Variants in SYT9 observed in about 807,000 individuals in gnomAD.
SYT9 encodes the protein synaptotagmin 9, also known as synaptotagmin-9.
Under a neutral mutation model 48.4 loss-of-function variants are expected in SYT9, and 22 were observed. The observed-to-expected ratio is 0.45, with a 90% CI of 0.32 to 0.65. SYT9 has a LOEUF of 0.65. Among genes scored for constraint, SYT9 ranks in the 30% least tolerant of loss-of-function variants. The pLI is 0.03. For synonymous variants in SYT9, 265 were observed against 245.0 expected (o/e 1.08, Z -0.76); for missense variants, 577 against 622.0 (o/e 0.93, Z 0.77).
At chr11:7,296,469 G>A (rs910651980) in intron 1 of SYT9, among the ~76,000 whole-genome samples, 4 of 152,200 alleles carry the variant, frequency 2.6e-5, no homozygotes, top group Non-Finnish European at 5.9e-5. Context: ...CCTCTGGCCT[G>A]TTGAGGTGTG....
At chr11:7,423,516 G>A (rs1161463126) in intron 6 of SYT9, among the ~76,000 whole-genome samples, 4 of 152,184 alleles carry the variant, frequency 2.6e-5, no homozygotes, top group African/African-American at 7.2e-5. Flanking sequence ...GGCCATAACA[G>A]TGCTTGTCTC....
intron 3 of SYT9, among the ~76,000 whole-genome samples, chr11:7,348,831 G>A (rs1298802648): frequency 2.6e-5 from 4 of 151,000 alleles, no homozygotes; most frequent in African/African-American, 7.3e-5. Context: ...CATCAGACCC[G>A]TATCCTGTCT....
In SYT9 at chr11:7,372,488, T is replaced by A. The variant is rs1850380190; in HGVS notation, c.1045-43554T>A. On this transcript the variant is annotated intron_variant, in intron 3 of 6. Coordinates refer to ENST00000318881, the MANE Select transcript of SYT9 (RefSeq NM_175733.4). ...CCACAATCCTTAGCTAATTTTAAAATTTTTTATGAAGATGAGGTCTCATTA... is the reference window on the plus strand; with the variant it reads ...CCACAATCCTTAGCTAATTTTAAAAATTTTTATGAAGATGAGGTCTCATTA... Among the ~76,000 whole-genome samples the A allele has an allele frequency of 1.3e-5, 2 of 152,124 alleles. 1 individual carries two copies. The highest frequency in any genetic ancestry group is 4.1e-4 in the South Asian group (2 of 4,830).
At chr11:7,254,721 G>A (rs1277023269) in intron 1 of SYT9, among the ~76,000 whole-genome samples, 1 of 152,110 alleles carries the variant, frequency 6.6e-6, no homozygotes, top group Non-Finnish European at 1.5e-5. Context: ...CTCTGTTATT[G>A]TCCATTCACG....
intron 3 of SYT9, among the ~76,000 whole-genome samples, chr11:7,360,009 A>AT (rs1850101052): frequency 6.6e-6 from 1 of 151,706 alleles, no homozygotes; most frequent in Non-Finnish European, 1.5e-5. Flanking sequence ...TCTTTAATCC[A>AT]TCTTGAATTG....
chr11:7,339,572 G>A (rs1849681464), intron 3 of SYT9, among the ~76,000 whole-genome samples: 4 of 152,240 alleles, frequency 2.6e-5, no homozygotes, highest in African/African-American at 9.6e-5. Flanking sequence ...CTTAGCATTT[G>A]CTTGTCGGAA....
intron 6 of SYT9, among the ~76,000 whole-genome samples, chr11:7,421,207 C>T (rs1435333270): frequency 1.3e-5 from 2 of 152,180 alleles, no homozygotes; most frequent in Non-Finnish European, 2.9e-5. Flanking sequence ...CCATGATCAA[C>T]AAGAGACCTA....
chr11:7,449,666 C>G (rs117632458), intron 6 of SYT9, among the ~76,000 whole-genome samples: 2,945 of 152,186 alleles, frequency 0.019, 58 homozygotes, highest in Middle Eastern at 0.048. Flanking sequence ...GTGGAAAGCA[C>G]AGCCTGCCAG....
chr11:7,405,169 G>A (rs572083261), intron 3 of SYT9, among the ~76,000 whole-genome samples: 1 of 150,090 alleles, frequency 6.7e-6, no homozygotes, highest in Non-Finnish European at 1.5e-5. Context: ...AAAACTTTTA[G>A]TAAGAATCTA....
intron 3 of SYT9, among the ~76,000 whole-genome samples, chr11:7,325,174 T>A (rs1849407923): frequency 6.6e-6 from 1 of 151,910 alleles, no homozygotes; most frequent in Non-Finnish European, 1.5e-5. Flanking sequence ...TTGATGGGGA[T>A]GGCATTGAAT....
intron 1 of SYT9, among the ~76,000 whole-genome samples, chr11:7,292,824 A>C (rs1035774564): frequency 1.3e-5 from 2 of 152,218 alleles, no homozygotes; most frequent in African/African-American, 4.8e-5. Context: ...TGTGGGTGTA[A>C]AATATTTTTA....
intron 3 of SYT9, among the ~76,000 whole-genome samples, chr11:7,356,514 G>A (rs1161816404): frequency 2.0e-5 from 3 of 152,104 alleles, no homozygotes; most frequent in Admixed American, 6.5e-5. Flanking sequence ...TCCAGGGAGG[G>A]AAGAAGGAGG....
chr11:7,320,825 T>A (rs532361195), intron 3 of SYT9, among the ~76,000 whole-genome samples: 26 of 152,276 alleles, frequency 1.7e-4, no homozygotes, highest in African/African-American at 5.8e-4. Context: ...TGAAGCCAGA[T>A]CAATAATAGT....
intron 3 of SYT9, among the ~76,000 whole-genome samples, chr11:7,332,790 A>G (rs937973532): frequency 1.3e-5 from 2 of 152,196 alleles, no homozygotes; most frequent in Admixed American, 6.5e-5. Context: ...GGGAGGGTTG[A>G]GCTAGATGAA....
At chr11:7,398,627 G>A (rs753340606) in intron 3 of SYT9, among the ~76,000 whole-genome samples, 1 of 152,102 alleles carries the variant, frequency 6.6e-6, no homozygotes, top group Non-Finnish European at 1.5e-5. Flanking sequence ...AGCCAGGACA[G>A]TCTCGATTAC....
chr11:7,249,821 C>G (rs1006231864), upstream of SYT9, among the ~76,000 whole-genome samples: 2 of 152,168 alleles, frequency 1.3e-5, no homozygotes, highest in Admixed American at 1.3e-4. Context: ...AGTAACTAGT[C>G]TGTCTAAATC....
At chr11:7,440,097 C>G (rs1359872616) in intron 6 of SYT9, 1 of 152,232 alleles carries the variant, frequency 6.6e-6, no homozygotes, top group Non-Finnish European at 1.5e-5. Flanking sequence ...CTTGATTCAG[C>G]CTCTGTTCCC....
At chr11:7,444,028 C>G (rs953638635) in intron 6 of SYT9, among the ~76,000 whole-genome samples, 2 of 152,334 alleles carry the variant, frequency 1.3e-5, no homozygotes, top group Middle Eastern at 3.4e-3. Context: ...AGGGTACAGA[C>G]TCTGAGTTGT....
chr11:7,412,994 T>G (rs534374293), intron 3 of SYT9, among the ~76,000 whole-genome samples: 92 of 152,292 alleles, frequency 6.0e-4, no homozygotes, highest in South Asian at 4.8e-3. Context: ...GTTGGCAGAA[T>G]TGAGACTTGT....
Sources: gnomAD v4.1 joint callset for allele counts (sites outside exome capture counted in the v4.1 genomes callset) on GRCh38, gnomAD v4.1.1 for gene constraint, MANE v1.5 for transcripts, NCBI Gene and HGNC (gene_info 2026-07-23, HGNC 2026-07-21) for gene names.